ANKMY1: variants seen among roughly 807,000 people sequenced by gnomAD.
The protein encoded by ANKMY1 is ankyrin repeat and MYND domain containing 1, also known as ankyrin repeat and MYND domain-containing protein 1.
A neutral mutation model predicts 102.0 loss-of-function variants in ANKMY1; 98 were observed. That is an observed-to-expected ratio of 0.96 (90% CI 0.82 to 1.14). The LOEUF (loss-of-function observed/expected upper bound fraction) is 1.14. Among genes scored for constraint, ANKMY1 ranks in the 50% most tolerant of loss-of-function variants. ANKMY1 has a pLI of 0.00. For missense variants in ANKMY1, 1,330 were observed against 1,347.6 expected (o/e 0.99, Z 0.20); for synonymous variants, 582 against 559.9 (o/e 1.04, Z -0.56).
upstream of ANKMY1, among the ~76,000 whole-genome samples, chr2:240,559,710 A>G (rs549257046): frequency 2.6e-5 from 4 of 152,338 alleles, no homozygotes; most frequent in African/African-American, 9.6e-5. Context: ...CTGGAGCTGC[A>G]ACCAGGGAAG....
chr2:240,541,555 T>G (rs574557794), intron 4 of ANKMY1, among the ~76,000 whole-genome samples: 1 of 140,742 alleles, frequency 7.1e-6, no homozygotes, highest in Non-Finnish European at 1.5e-5. Context: ...CAGGCTGGAG[T>G]GCAATGGCGC....
At chr2:240,503,150 C>T (rs868579011) in intron 13 of ANKMY1, among the ~76,000 whole-genome samples, 47 of 152,262 alleles carry the variant, frequency 3.1e-4, no homozygotes, top group Middle Eastern at 6.8e-3. Flanking sequence ...GAGGAAGGGG[C>T]GGCCTGAGGC....
chr2:240,520,607 G>A lies in ANKMY1; in HGVS notation c.1833-74C>T. 4.0e-6 allele frequency: 6 copies of A among 1,511,752 alleles called. No individual in the cohort carries two copies. Among genetic ancestry groups the A allele is most frequent in the East Asian group, 4.7e-5 (2 of 42,744 alleles). The allele number at this position is 1,511,752 out of a possible 1,614,324, so 93.6% of individuals were successfully genotyped here. On this transcript the variant is annotated intron_variant, in intron 8 of 17. Coordinates refer to ENST00000401804, the MANE Select transcript of ANKMY1 (RefSeq NM_001282771.3). This position sits in a 1 kb window ranked among gnomAD's most constrained non-coding sequence, Gnocchi z 4.8. ...CTGCGCCCAGAACGGGGCCATGCCA[G>A]CGAGGAGGCTGGGGAGGGGCGCGTA...
intron 4 of ANKMY1, among the ~76,000 whole-genome samples, chr2:240,546,362 G>A (rs1459828072): frequency 2.8e-4 from 43 of 152,106 alleles, no homozygotes; most frequent in African/African-American, 8.7e-4. Flanking sequence ...TGAAGGAAGC[G>A]CTAAACATGG....
At chr2:240,560,918 G>C (rs565477343), upstream of ANKMY1, 34 of 1,536,436 alleles carry the variant, frequency 2.2e-5, no homozygotes, top group African/African-American at 4.4e-4. Flanking sequence ...CTGAGGACCT[G>C]CTGGCGCACC....
chr2:240,491,536 A>G (rs2076654455), intron 15 of ANKMY1, among the ~76,000 whole-genome samples: 1 of 152,146 alleles, frequency 6.6e-6, no homozygotes, highest in Admixed American at 6.5e-5. Context: ...GTGTTTTCAT[A>G]ATGGTAAATG....
chr2:240,521,825 G>C (rs2082343095), intron 8 of ANKMY1: 1 of 152,184 alleles, frequency 6.6e-6, no homozygotes, highest in East Asian at 1.9e-4. Context: ...AACATGGTGT[G>C]TCTGGAATTT....
At chr2:240,535,931 C>T (rs1400880060) in intron 4 of ANKMY1, among the ~76,000 whole-genome samples, 1 of 150,716 alleles carries the variant, frequency 6.6e-6, no homozygotes, top group Non-Finnish European at 1.5e-5. Flanking sequence ...CTGCAAAATG[C>T]ATATTCTTTT....
intron 4 of ANKMY1, among the ~76,000 whole-genome samples, chr2:240,544,937 C>G (rs190062824): frequency 0.033 from 5,035 of 151,790 alleles, 121 homozygotes; most frequent in South Asian, 0.1. Flanking sequence ...GGGGGAGGGG[C>G]GCCCGCCATT....
chr2:240,504,719 T>C (rs1432514513), intron 13 of ANKMY1, among the ~76,000 whole-genome samples: 1 of 152,098 alleles, frequency 6.6e-6, no homozygotes, highest in Non-Finnish European at 1.5e-5. Context: ...AAAACCACAA[T>C]GAGAAGGCCG....
At chr2:240,482,585 CAT>C (rs1438218158) in intron 15 of ANKMY1, among the ~76,000 whole-genome samples, 12 of 152,250 alleles carry the variant, frequency 7.9e-5, no homozygotes, top group African/African-American at 1.9e-4. Context: ...GTTATTTAGA[CAT>C]GTGTTATTTT....
intron 4 of ANKMY1, among the ~76,000 whole-genome samples, chr2:240,546,727 G>C (rs537569466): frequency 6.6e-4 from 100 of 152,108 alleles, no homozygotes; most frequent in Non-Finnish European, 1.2e-3. Flanking sequence ...TCTGATAAAA[G>C]AGACTTTAAA....
Position 240,557,183 on chromosome 2 carries a change from C to T in ANKMY1, c.146+7G>A. 6.6e-7 allele frequency: 1 copy of T among 1,515,290 alleles called. No individual in the cohort carries two copies. Among genetic ancestry groups the T allele is most frequent in the Non-Finnish European group, 8.9e-7 (1 of 1,124,898 alleles). The allele number at this position is 1,515,290 out of a possible 1,614,324, so 93.9% of individuals were successfully genotyped here. ...GTCGGACCTCCCCGCTGGAGGGTCC[C>T]CCGCACCTTGTGGCGAAGACAGCGT... On this transcript the variant is annotated splice_region_variant and intron_variant, in intron 2 of 17. Coordinates refer to ENST00000401804, the MANE Select transcript of ANKMY1 (RefSeq NM_001282771.3).
rs181254411 is a variant in ANKMY1, at chr2:240,538,332, C to T, written c.481-8823G>A. Among the ~76,000 whole-genome samples, 1,391 of 152,192 alleles carry T rather than the reference C, an allele frequency of 9.1e-3. 9 individuals are homozygous for T. The highest frequency in any genetic ancestry group is 0.031 in the African/African-American group (1,305 of 41,518). On this transcript the variant is annotated intron_variant, in intron 4 of 17. Coordinates refer to ENST00000401804, the MANE Select transcript of ANKMY1 (RefSeq NM_001282771.3). ...TGCGAGCGGCGCTCAGGGGCCAGCG[C>T]GAGTTCTGGGTGGGCGTGGGCTCGG...
chr2:240,495,691 C>T (rs1156237471), intron 15 of ANKMY1, among the ~76,000 whole-genome samples: 2 of 152,096 alleles, frequency 1.3e-5, no homozygotes, highest in Admixed American at 1.3e-4. Flanking sequence ...CCGGTCTCTA[C>T]GTCTTGGTGG....
chr2:240,527,789 A>ATGGGTGGGTGGATGAATGT (rs2084178562), intron 5 of ANKMY1: 1 of 148,180 alleles, frequency 6.7e-6, no homozygotes. Context: ...AGATGAACAG[A>ATGGGTGGGTGGATGAATGT]TGCCTGAAAG....
chr2:240,538,776 G>C (rs1434110268), intron 4 of ANKMY1, among the ~76,000 whole-genome samples: 2 of 152,202 alleles, frequency 1.3e-5, no homozygotes, highest in Admixed American at 1.3e-4. Flanking sequence ...TCTAGCTAAA[G>C]GATTGTAAAT....
At chr2:240,494,708 C>T (rs567260989) in intron 15 of ANKMY1, among the ~76,000 whole-genome samples, 1 of 152,128 alleles carries the variant, frequency 6.6e-6, no homozygotes, top group African/African-American at 2.4e-5. Context: ...TTCCATCCCA[C>T]AGTCTCCTGG....
chr2:240,532,360 C>A (rs181256958), intron 4 of ANKMY1, among the ~76,000 whole-genome samples: 9 of 152,150 alleles, frequency 5.9e-5, no homozygotes, highest in Admixed American at 5.9e-4. Flanking sequence ...GATTCTCAGA[C>A]AAGCAAAAAC....
Sources: gnomAD v4.1 joint callset for allele counts (sites outside exome capture counted in the v4.1 genomes callset) on GRCh38, gnomAD v4.1.1 for gene constraint, Gnocchi (gnomAD v3.1) non-coding constraint, MANE v1.5 for transcripts, NCBI Gene and HGNC (gene_info 2026-07-23, HGNC 2026-07-21) for gene names.